The following UBE2QL1 variants were observed in gnomAD, a reference collection of about 807,000 sequenced individuals.
UBE2QL1 encodes ubiquitin-conjugating enzyme E2Q-like protein 1.
UBE2QL1 carries 5 observed loss-of-function variants against 12.6 expected under a neutral mutation model. That is an observed-to-expected ratio of 0.40 (90% CI 0.21 to 0.83). UBE2QL1 has a LOEUF of 0.83. UBE2QL1 is among the 40% of genes least tolerant of loss of function. The pLI is 0.37. For missense variants in UBE2QL1, 99 were observed against 222.6 expected, an observed-to-expected ratio of 0.44 and a Z score of 3.53; for synonymous variants, 96 against 94.5, an observed-to-expected ratio of 1.02 and a Z score of -0.10.
chr5:6,463,688 C>G (rs544491482), intron 1 of UBE2QL1, among the ~76,000 whole-genome samples: 6 of 150,022 alleles, frequency 4.0e-5, no homozygotes, highest in African/African-American at 1.5e-4. Flanking sequence ...AGTGCAGTGG[C>G]GCGATCTCGG....
chr5:6,455,194 A>T (rs1434344343), intron 1 of UBE2QL1, among the ~76,000 whole-genome samples: 1 of 152,036 alleles, frequency 6.6e-6, no homozygotes, highest in Non-Finnish European at 1.5e-5. Context: ...GCTGTTTCTT[A>T]GTGGAATGTG....
intron 1 of UBE2QL1, among the ~76,000 whole-genome samples, chr5:6,465,901 C>T (rs1363758296): frequency 2.0e-5 from 3 of 152,208 alleles, no homozygotes; most frequent in Non-Finnish European, 4.4e-5. Flanking sequence ...CCGCGCAAAG[C>T]GTTTCCACTT....
At chr5:6,466,018 C>T (rs1489168252) in intron 1 of UBE2QL1, among the ~76,000 whole-genome samples, 2 of 152,112 alleles carry the variant, frequency 1.3e-5, no homozygotes, top group Non-Finnish European at 2.9e-5. Flanking sequence ...CCCCTTGCAC[C>T]CTCTATCCTC....
chr5:6,473,008 T>C (rs1295795851), intron 1 of UBE2QL1, among the ~76,000 whole-genome samples: 4 of 152,190 alleles, frequency 2.6e-5, no homozygotes, highest in Non-Finnish European at 5.9e-5. Context: ...CTGAACCACC[T>C]GGTCTTTTCC....
rs900282924 is a variant in UBE2QL1 at position 6,481,349 on chromosome 5, C to G, written c.355-9869C>G. On this transcript the variant is annotated intron_variant, in intron 1 of 1. Coordinates refer to ENST00000399816, the MANE Select transcript of UBE2QL1 (RefSeq NM_001145161.3). This position sits in a 1 kb window ranked among gnomAD's most constrained non-coding sequence, Gnocchi z 4.5. ...CCTCCATCCCATCTCGCCTTGCACGCCAGGTGCTCATTATCCCCATGCAGG... is the reference window on the plus strand; with the variant it reads ...CCTCCATCCCATCTCGCCTTGCACGGCAGGTGCTCATTATCCCCATGCAGG... Among the ~76,000 whole-genome samples, 2 of 152,218 alleles carry G rather than the reference C, an allele frequency of 1.3e-5. No individual in the cohort carries two copies. Among genetic ancestry groups the G allele is most frequent in the East Asian group, 3.9e-4 (2 of 5,186 alleles).
At position 6,481,637 on chromosome 5, in the gene UBE2QL1, G is replaced by A. The variant is rs1270151024; in HGVS notation, c.355-9581G>A. The stretch of plus-strand genomic sequence containing the variant: ...TATCCTAGAAACCTGTTCCTCCTGG[G>A]TCAGAAGCCTGGAGTGGCTCGGGCC... On this transcript the variant is annotated intron_variant, in intron 1 of 1. Coordinates refer to ENST00000399816, the MANE Select transcript of UBE2QL1 (RefSeq NM_001145161.3). The surrounding 1 kb of genome is among the most constrained non-coding windows in gnomAD (Gnocchi z 4.5). Among the ~76,000 whole-genome samples the A allele has an allele frequency of 6.6e-6, 1 of 152,200 alleles. No individual in the cohort carries two copies. The highest frequency in any genetic ancestry group is 1.5e-5 in the Non-Finnish European group (1 of 68,028).
At position 6,491,231 on chromosome 5, in the gene UBE2QL1, GAA is replaced by G; in HGVS notation, c.371_372del (p.Lys124SerfsTer14). On this transcript the variant is annotated frameshift_variant, in exon 2 of 2. Coordinates refer to ENST00000399816, the MANE Select transcript of UBE2QL1 (RefSeq NM_001145161.3). LOFTEE classifies it high-confidence loss of function. ...CATCTCACGCAGGGACGGATCTGTA[GAA>G]AAGCTGGCAAATCAAAAAAGTCCTT... is the stretch of plus-strand genomic sequence containing the variant. 6.4e-7 allele frequency: 1 copy of G among 1,550,950 alleles called. No individual in the cohort carries two copies. Among genetic ancestry groups the G allele is most frequent in the Non-Finnish European group, 8.7e-7 (1 of 1,146,636 alleles).
At chr5:6,477,903 A>G (rs944701883) in intron 1 of UBE2QL1, among the ~76,000 whole-genome samples, 2 of 152,242 alleles carry the variant, frequency 1.3e-5, no homozygotes, top group African/African-American at 4.8e-5. Context: ...CAAGCCAGAC[A>G]AAAGACAGAC....
intron 1 of UBE2QL1, among the ~76,000 whole-genome samples, chr5:6,466,132 G>A (rs1303984061): frequency 6.6e-6 from 1 of 152,018 alleles, no homozygotes; most frequent in African/African-American, 2.4e-5. Flanking sequence ...CACTGACTCG[G>A]CAGCCACGGC....
intron 1 of UBE2QL1, among the ~76,000 whole-genome samples, chr5:6,474,831 A>C (rs987125225): frequency 1.3e-5 from 2 of 152,188 alleles, no homozygotes; most frequent in Non-Finnish European, 2.9e-5. Context: ...AGGGGCTTTG[A>C]GCACAGTCTC....
In UBE2QL1 at chr5:6,491,369, A is replaced by G. The variant is rs927418912; in HGVS notation, c.*20A>G. The G allele has an allele frequency of 1.2e-5, 18 of 1,540,924 alleles. No individual in the cohort carries two copies. The highest frequency in any genetic ancestry group is 2.0e-5 in the Admixed American group (1 of 49,500). On this transcript the variant is annotated 3_prime_UTR_variant, in exon 2 of 2. Transcript: ENST00000399816. ...GGCTGATGTCTGCCACGTGCAGTAG[A>G]CGCTCGAGCGCCTGTCCACACACAC...
At chr5:6,450,085 G>GCC (rs1739382589) in intron 1 of UBE2QL1, among the ~76,000 whole-genome samples, 2 of 110,936 alleles carry the variant, frequency 1.8e-5, no homozygotes, top group African/African-American at 6.0e-5. Flanking sequence ...GACAAGACCA[G>GCC]ACCCCCCCCC....
intron 1 of UBE2QL1, among the ~76,000 whole-genome samples, chr5:6,462,802 T>C (rs1250259924): frequency 6.6e-6 from 1 of 152,178 alleles, no homozygotes. Context: ...CCCAGGGAGA[T>C]TGAGGGAAAT....
At chr5:6,470,919 A>G (rs532590265) in intron 1 of UBE2QL1, among the ~76,000 whole-genome samples, 134 of 152,350 alleles carry the variant, frequency 8.8e-4, no homozygotes, top group African/African-American at 3.0e-3. Context: ...CCCAGGTTAC[A>G]GTCCCATCAG....
At chr5:6,455,253 A>G (rs572606873) in intron 1 of UBE2QL1, among the ~76,000 whole-genome samples, 1 of 152,234 alleles carries the variant, frequency 6.6e-6, no homozygotes, top group East Asian at 1.9e-4. Flanking sequence ...GACACCCACA[A>G]CCTGGTCAGT....
chr5:6,458,666 G>C (rs532916613), intron 1 of UBE2QL1, among the ~76,000 whole-genome samples: 53 of 152,290 alleles, frequency 3.5e-4, no homozygotes, highest in African/African-American at 1.3e-3. Context: ...ATTGCTGCTA[G>C]GATTAATTTG....
At chr5:6,470,925 A>G (rs490320) in intron 1 of UBE2QL1, among the ~76,000 whole-genome samples, 144,767 of 152,260 alleles carry the variant, frequency 0.95, 69,205 homozygotes, top group Non-Finnish European at 1. Context: ...TTACAGTCCC[A>G]TCAGCAGCAG....
intron 1 of UBE2QL1, among the ~76,000 whole-genome samples, chr5:6,462,693 C>T (rs1256101739): frequency 1.3e-5 from 2 of 152,184 alleles, no homozygotes; most frequent in Admixed American, 1.3e-4. Flanking sequence ...CCTCACTCAG[C>T]GTGCACTTAG....
At chr5:6,470,847 G>A (rs1247897649) in intron 1 of UBE2QL1, among the ~76,000 whole-genome samples, 3 of 152,172 alleles carry the variant, frequency 2.0e-5, no homozygotes, top group African/African-American at 7.2e-5. Context: ...GGATCAAAGG[G>A]TGGGAACACC....
Sources: gnomAD v4.1 joint callset for allele counts (sites outside exome capture counted in the v4.1 genomes callset) on GRCh38, gnomAD v4.1.1 for gene constraint, Gnocchi (gnomAD v3.1) non-coding constraint, MANE v1.5 for transcripts, NCBI Gene and HGNC (gene_info 2026-07-23, HGNC 2026-07-21) for gene names.